Variants in TTBK2 observed in about 807,000 individuals in gnomAD.
TTBK2 encodes the protein tau tubulin kinase 2.
Under a neutral mutation model 110.8 loss-of-function variants are expected in TTBK2, and 28 were observed. The ratio of observed to expected loss-of-function variants is 0.25; its 90% CI spans 0.19 to 0.35. The LOEUF is 0.35. Among genes scored for constraint, TTBK2 ranks in the 10% least tolerant of loss-of-function variants. The pLI, the probability that TTBK2 is intolerant of heterozygous loss-of-function variation, is 1.00. For missense variants in TTBK2, 1,369 were observed against 1,500.3 expected (o/e 0.91, Z 1.45); for synonymous variants, 532 against 527.3 (o/e 1.01, Z -0.12).
rs749272471 is a variant in TTBK2, at chr15:42,775,120, A to G, written c.1998+15T>C. ...AGTGGATAACAGAGAATAATAATAAAAACAAATTTCTTACCGCTGTAAGGG... is the reference window on the plus strand; with the variant it reads ...AGTGGATAACAGAGAATAATAATAAGAACAAATTTCTTACCGCTGTAAGGG... On this transcript the variant is annotated intron_variant, in intron 13 of 14. Coordinates refer to ENST00000267890, the MANE Select transcript of TTBK2 (RefSeq NM_173500.4). The G allele has an allele frequency of 6.2e-7, 1 of 1,610,158 alleles. No homozygotes were observed. The highest frequency in any genetic ancestry group is 8.5e-7 in the Non-Finnish European group (1 of 1,179,610).
chr15:42,766,446 CA>C (rs567972612), intron 13 of TTBK2, among the ~76,000 whole-genome samples: 136 of 30,860 alleles, frequency 4.4e-3, no homozygotes, highest in East Asian at 5.0e-3. Context: ...GAATGGAAAG[CA>C]AAAAAAAAAA....
rs117187797 is a variant in TTBK2, at chr15:42,774,089, C to T, written c.1998+1046G>A. 1.6e-4 allele frequency among the ~76,000 whole-genome samples: 25 copies of T among 152,306 alleles called. No homozygotes were observed. In the East Asian group the frequency reaches 4.8e-3, roughly 29 times the overall value. On this transcript the variant is annotated intron_variant, in intron 13 of 14. Coordinates refer to ENST00000267890, the MANE Select transcript of TTBK2 (RefSeq NM_173500.4). ...AGGCCTTTATTTCCCTATTTTGGAG[C>T]ACAGGCAAATTTCTCAGAACTGTAC...
intron 1 of TTBK2, among the ~76,000 whole-genome samples, chr15:42,916,938 A>G (rs1201520647): frequency 6.6e-6 from 1 of 152,182 alleles, no homozygotes; most frequent in African/African-American, 2.4e-5. Flanking sequence ...TCTAATTCAA[A>G]CATTTTAAAA....
chr15:42,863,860 G>C (rs1894256248), intron 3 of TTBK2, among the ~76,000 whole-genome samples: 1 of 152,172 alleles, frequency 6.6e-6, no homozygotes, highest in Non-Finnish European at 1.5e-5. Flanking sequence ...AAATGGTGCT[G>C]GGATAACTTG....
At chr15:42,786,411 T>G (rs895871555) in intron 10 of TTBK2, among the ~76,000 whole-genome samples, 2 of 152,218 alleles carry the variant, frequency 1.3e-5, no homozygotes, top group Non-Finnish European at 2.9e-5. Context: ...ATTCCCTCTA[T>G]TCCTGAGGAA....
chr15:42,739,912 A>G lies in TTBK2; in HGVS notation c.*5883T>C, dbSNP rs1384319312. On this transcript the variant is annotated 3_prime_UTR_variant, in exon 15 of 15. Transcript: ENST00000267890. ...AAACTGCATATTATTAGAGAAAAAG[A>G]GCATCATATGGCAAGGGTAGTCTAT... is the stretch of plus-strand genomic sequence containing the variant. 6.6e-6 allele frequency: 1 copy of G among 152,230 alleles called. No homozygotes were observed. The highest frequency in any genetic ancestry group is 6.5e-5 in the Admixed American group (1 of 15,278). The allele number at this position is 152,230 out of a possible 1,614,324, so 9.4% of individuals were successfully genotyped here. A position where few individuals can be genotyped will look rare whatever the true frequency, so the allele number is the denominator to read the frequency against.
At chr15:42,811,439 A>G (rs1456651187) in intron 8 of TTBK2, among the ~76,000 whole-genome samples, 6 of 152,222 alleles carry the variant, frequency 3.9e-5, no homozygotes, top group Non-Finnish European at 8.8e-5. Context: ...ATAAAATTAA[A>G]AGCTAAGAGG....
At chr15:42,864,279 T>A (rs1038300677) in intron 3 of TTBK2, among the ~76,000 whole-genome samples, 4 of 151,802 alleles carry the variant, frequency 2.6e-5, no homozygotes, top group African/African-American at 9.7e-5. Context: ...AAGGACAAAG[T>A]GAAATATTAA....
Position 42,802,131 on chromosome 15 carries a change from C to G in TTBK2, c.823-7330G>C, listed in dbSNP as rs369055299. 968 of 1,434,734 alleles carry G rather than the reference C, an allele frequency of 6.7e-4. 13 individuals carry two copies. Among genetic ancestry groups the G allele is most frequent in the South Asian group, 6.5e-3 (571 of 87,476 alleles). The allele number at this position is 1,434,734 out of a possible 1,614,324, so 88.9% of individuals were successfully genotyped here. Reference sequence around the variant, plus strand: ...AAAACTTGTTGTTGAGGGTCTTGATCTGCTTCTCCTCCTGGGTGCGCACGG... The same window carrying G: ...AAAACTTGTTGTTGAGGGTCTTGATGTGCTTCTCCTCCTGGGTGCGCACGG... On this transcript the variant is annotated intron_variant, in intron 9 of 14. Coordinates refer to ENST00000267890, the MANE Select transcript of TTBK2 (RefSeq NM_173500.4).
intron 10 of TTBK2, among the ~76,000 whole-genome samples, chr15:42,788,379 T>C (rs902715812): frequency 6.6e-6 from 1 of 152,182 alleles, no homozygotes; most frequent in Non-Finnish European, 1.5e-5. Context: ...CATCAAGGTA[T>C]AGAGTTCAGA....
At position 42,746,203 on chromosome 15, in the gene TTBK2, GGAGAAAA is replaced by G. The variant is rs780639963; in HGVS notation, c.3320_3326del (p.Leu1107ProfsTer108). ...CATTTTGAAGAATTTGGGCCAGGCG[GGAGAAAA>G]GGTCTGAGTCGGAGTTACTACTCCC... is the stretch of plus-strand genomic sequence containing the variant. On this transcript the variant is annotated frameshift_variant, in exon 15 of 15. Transcript: ENST00000267890. LOFTEE classifies it high-confidence loss of function. 2 of 1,614,094 alleles carry G rather than the reference GGAGAAAA, an allele frequency of 1.2e-6. No homozygotes were observed. Among genetic ancestry groups the G allele is most frequent in the Non-Finnish European group, 1.7e-6 (2 of 1,180,022 alleles).
chr15:42,841,975 T>C (rs1893239402), intron 3 of TTBK2, among the ~76,000 whole-genome samples: 1 of 152,142 alleles, frequency 6.6e-6, no homozygotes, highest in Admixed American at 6.5e-5. Context: ...CATTAGTTCA[T>C]GGACAATACG....
At chr15:42,874,298 CTTTAT>C (rs929217036) in intron 2 of TTBK2, among the ~76,000 whole-genome samples, 1 of 151,622 alleles carries the variant, frequency 6.6e-6, no homozygotes, top group African/African-American at 2.4e-5. Flanking sequence ...CATAATCCTT[CTTTAT>C]TTTTTTATTT....
chr15:42,789,686 A>G (rs1890561587), intron 10 of TTBK2, among the ~76,000 whole-genome samples: 1 of 152,184 alleles, frequency 6.6e-6, no homozygotes, highest in Non-Finnish European at 1.5e-5. Context: ...GTGAGCAGAG[A>G]TCATGTCATT....
chr15:42,759,542 T>C (rs1427133757), intron 13 of TTBK2, among the ~76,000 whole-genome samples: 2 of 152,166 alleles, frequency 1.3e-5, no homozygotes, highest in Non-Finnish European at 2.9e-5. Flanking sequence ...GACCCACTTG[T>C]CTGCACATGC....
At chr15:42,751,865 A>T (rs1019195520) in intron 14 of TTBK2, 109 bp downstream of exon 14, 26 of 1,359,000 alleles carry the variant, frequency 1.9e-5, no homozygotes, top group Non-Finnish European at 2.6e-5. Context: ...GCAGGAAAGA[A>T]AGATACTGAG....
Position 42,740,278 on chromosome 15 carries a change from A to G in TTBK2, c.*5517T>C, listed in dbSNP as rs909355851. The G allele has an allele frequency of 5.9e-5, 9 of 152,220 alleles. No individual in the cohort carries two copies. The highest frequency in any genetic ancestry group is 2.2e-4 in the African/African-American group (9 of 41,452). 9.4% of individuals were successfully genotyped at this position (152,220 alleles called of 1,614,324 possible). A position where few individuals can be genotyped will look rare whatever the true frequency, so the allele number is the denominator to read the frequency against. On this transcript the variant is annotated 3_prime_UTR_variant, in exon 15 of 15. Transcript: ENST00000267890. ...GGGCCATGAAAGGAAAGGCTTCACT[A>G]CTTTTACATGTTACCTTAAGACCAA...
At chr15:42,853,861 A>G (rs776994273) in intron 3 of TTBK2, among the ~76,000 whole-genome samples, 17 of 152,108 alleles carry the variant, frequency 1.1e-4, no homozygotes, top group Non-Finnish European at 1.8e-4. Context: ...AGCCTGGGCA[A>G]CAGTTGAAGG....
Position 42,745,622 on chromosome 15 carries a change from G to A in TTBK2, c.*173C>T. On this transcript the variant is annotated 3_prime_UTR_variant, in exon 15 of 15. Coordinates refer to ENST00000267890, the MANE Select transcript of TTBK2 (RefSeq NM_173500.4). ...TTGATTCCTAATCTACTTGCTGCCTGCCTTAGGTAATTCCTTATCATGTAT... is the reference window on the plus strand; with the variant it reads ...TTGATTCCTAATCTACTTGCTGCCTACCTTAGGTAATTCCTTATCATGTAT... The A allele has an allele frequency of 2.5e-6, 2 of 801,090 alleles. No individual in the cohort carries two copies. The highest frequency in any genetic ancestry group is 2.1e-5 in the Admixed American group (1 of 46,962). The allele number at this position is 801,090 out of a possible 1,614,324, so 49.6% of individuals were successfully genotyped here.
Sources: allele counts gnomAD v4.1 joint callset (sites outside exome capture counted in the v4.1 genomes callset), GRCh38; gene constraint gnomAD v4.1.1; transcripts MANE v1.5; gene names NCBI Gene and HGNC (gene_info 2026-07-23, HGNC 2026-07-21).